The following DHX40 variants were observed in gnomAD, a reference collection of about 807,000 sequenced individuals.
The protein encoded by DHX40 is probable ATP-dependent RNA helicase DHX40.
DHX40 carries 28 observed loss-of-function variants against 89.6 expected under a neutral mutation model. The ratio of observed to expected loss-of-function variants is 0.31; its 90% CI spans 0.23 to 0.43. The LOEUF (loss-of-function observed/expected upper bound fraction) is 0.43. Among genes scored for constraint, DHX40 ranks in the 20% least tolerant of loss-of-function variants. The probability of loss-of-function intolerance (pLI) is 1.00; values close to 1 mark genes in which losing one functional copy is unlikely to be tolerated. For missense variants in DHX40, 457 were observed against 844.0 expected (o/e 0.54, Z 5.68); for synonymous variants, 226 against 283.6 (o/e 0.80, Z 2.04).
rs903879933 is a variant in DHX40, at chr17:59,567,408, CCAAA to C, written c.280+617_280+620del. 2.6e-5 allele frequency among the ~76,000 whole-genome samples: 4 copies of C among 152,266 alleles called. No individual in the cohort carries two copies. In the East Asian group the frequency reaches 7.7e-4, roughly 29 times the overall value. On this transcript the variant is annotated intron_variant, in intron 2 of 17. Transcript: ENST00000251241. Reference sequence around the variant, plus strand: ...GGAGAAAGAGATAATAGCCAAATCCCCAAACAGACCAGTTTTAGGAGCATCAAGA... The same window carrying C: ...GGAGAAAGAGATAATAGCCAAATCCCCAGACCAGTTTTAGGAGCATCAAGA...
At chr17:59,570,186 AAT>A (rs2048780518) in intron 2 of DHX40, among the ~76,000 whole-genome samples, 2 of 123,056 alleles carry the variant, frequency 1.6e-5, no homozygotes, top group South Asian at 4.3e-4. Flanking sequence ...TAATATATAT[AAT>A]ATATAATATA....
At chr17:59,569,717 A>G (rs1348314966) in intron 2 of DHX40, among the ~76,000 whole-genome samples, 2 of 145,194 alleles carry the variant, frequency 1.4e-5, no homozygotes, top group Non-Finnish European at 3.0e-5. Flanking sequence ...ATATCTATAT[A>G]TATATATAGA....
At position 59,570,576 on chromosome 17, in the gene DHX40, A is replaced by G; in HGVS notation, c.339A>G (p.Ser113=). 1 of 1,610,366 alleles carries G rather than the reference A, an allele frequency of 6.2e-7. No individual in the cohort carries two copies. The highest frequency in any genetic ancestry group is 8.5e-7 in the Non-Finnish European group (1 of 1,178,362). ...VTQPRKVAAI[S]VAQRVAEEMK... is the part of the protein sequence containing the mutation. ...AACCACGAAAAGTAGCTGCTATATCAGTTGCTCAGAGAGTAGCTGAAGAAA... is the reference window on the plus strand; with the variant it reads ...AACCACGAAAAGTAGCTGCTATATCGGTTGCTCAGAGAGTAGCTGAAGAAA... Residue 113 remains serine, a synonymous_variant, in exon 3 of 18, where the codon TCA becomes TCG. Coordinates refer to ENST00000251241, the MANE Select transcript of DHX40 (RefSeq NM_024612.5).
intron 12 of DHX40, among the ~76,000 whole-genome samples, chr17:59,591,562 T>TA (rs1217518396): frequency 6.6e-6 from 1 of 150,920 alleles, no homozygotes; most frequent in Non-Finnish European, 1.5e-5. Flanking sequence ...TTTAAATAGA[T>TA]AAAATCAGTG....
At chr17:59,602,904 C>G (rs1415338403) in intron 15 of DHX40, among the ~76,000 whole-genome samples, 1 of 151,944 alleles carries the variant, frequency 6.6e-6, no homozygotes, top group Admixed American at 6.6e-5. Flanking sequence ...GAGAGGTGGC[C>G]CTGTGTATAG....
chr17:59,606,422 A>T (rs1193649178), intron 17 of DHX40, among the ~76,000 whole-genome samples: 1 of 152,236 alleles, frequency 6.6e-6, no homozygotes, highest in Non-Finnish European at 1.5e-5. Flanking sequence ...AGTTTTGCCG[A>T]ATAAATCATA....
intron 3 of DHX40, among the ~76,000 whole-genome samples, chr17:59,572,048 C>G (rs1033440036): frequency 6.6e-6 from 1 of 152,212 alleles, no homozygotes; most frequent in Non-Finnish European, 1.5e-5. Context: ...TTAACAAAAT[C>G]AGCCAATTAA....
At chr17:59,602,677 G>T in intron 15 of DHX40, 61 bp downstream of exon 15, 1 of 1,320,152 alleles carries the variant, frequency 7.6e-7, no homozygotes, top group Admixed American at 1.9e-5. Flanking sequence ...CTATAATATT[G>T]GACTATTTAA....
In DHX40 at chr17:59,591,664, G is replaced by A. The variant is rs1024756956; in HGVS notation, c.1582+3611G>A. On this transcript the variant is annotated intron_variant, in intron 12 of 17. Coordinates refer to ENST00000251241, the MANE Select transcript of DHX40 (RefSeq NM_024612.5). ...CCTTTATACCTTCTATGCAGTTTCC[G>A]CAATTTTTAACATTTTACCCCCTTT... 3.3e-5 allele frequency among the ~76,000 whole-genome samples: 5 copies of A among 151,212 alleles called. No individual in the cohort carries two copies. The East Asian group carries it at 5.8e-4, about 18-fold the overall frequency.
intron 8 of DHX40, among the ~76,000 whole-genome samples, chr17:59,577,863 T>A (rs545619128): frequency 5.0e-4 from 76 of 152,178 alleles, no homozygotes; most frequent in African/African-American, 1.8e-3. Context: ...TTTTCTGTAC[T>A]CCCATTATAA....
chr17:59,574,659 T>C (rs2048856226), intron 6 of DHX40, among the ~76,000 whole-genome samples: 1 of 148,956 alleles, frequency 6.7e-6, no homozygotes, highest in East Asian at 1.9e-4. Flanking sequence ...TAGTGAAATA[T>C]TGTTTTTGTT....
At chr17:59,566,086 C>A (rs1023262469) in intron 1 of DHX40, among the ~76,000 whole-genome samples, 1 of 152,170 alleles carries the variant, frequency 6.6e-6, no homozygotes, top group Non-Finnish European at 1.5e-5. Flanking sequence ...ATTCATCCCC[C>A]CCACCCTTCG....
At chr17:59,568,098 G>A (rs1307672196) in intron 2 of DHX40, among the ~76,000 whole-genome samples, 2 of 152,040 alleles carry the variant, frequency 1.3e-5, no homozygotes, top group African/African-American at 4.8e-5. Context: ...CGTGGTGGCG[G>A]GCGCCTATAA....
rs1337050821 is a variant in DHX40 at position 59,607,276 on chromosome 17, C to T, written c.*104C>T. 1 of 1,608,178 alleles carries T rather than the reference C, an allele frequency of 6.2e-7. No homozygotes were observed. Among genetic ancestry groups the T allele is most frequent in the Admixed American group, 1.7e-5 (1 of 59,252 alleles). Reference sequence around the variant, plus strand: ...CACTACCAAGAGGAGGTGGTCAGCACTTGTTATTGGCCTATGAACTAAAAG... The same window carrying T: ...CACTACCAAGAGGAGGTGGTCAGCATTTGTTATTGGCCTATGAACTAAAAG... On this transcript the variant is annotated 3_prime_UTR_variant, in exon 18 of 18. Transcript: ENST00000251241.
chr17:59,569,290 T>C (rs1347184390), intron 2 of DHX40, among the ~76,000 whole-genome samples: 1 of 151,618 alleles, frequency 6.6e-6, no homozygotes, highest in African/African-American at 2.4e-5. Context: ...ATTGTGCCAC[T>C]GCACTCCCGC....
intron 2 of DHX40, among the ~76,000 whole-genome samples, chr17:59,569,640 CG>C (rs2048759622): frequency 7.1e-6 from 1 of 140,374 alleles, no homozygotes; most frequent in Admixed American, 7.0e-5. Context: ...GAGCCGAGAT[CG>C]CGCCACTGCA....
rs549491996 is a variant in DHX40, at chr17:59,589,883, G to C, written c.1582+1830G>C. 9.4e-4 allele frequency among the ~76,000 whole-genome samples: 141 copies of C among 149,450 alleles called. 4 individuals carry two copies. Among genetic ancestry groups the C allele is most frequent in the Middle Eastern group, 6.8e-3 (2 of 294 alleles). On this transcript the variant is annotated intron_variant, in intron 12 of 17. Transcript: ENST00000251241. ...TTACAGGCATGGGCCACCACGCCTG[G>C]CTAATTTTTGTATTTTTAGTAGAGA... is the stretch of plus-strand genomic sequence containing the variant.
At chr17:59,570,718 T>C in intron 3 of DHX40, 55 bp downstream of exon 3, 1 of 1,543,168 alleles carries the variant, frequency 6.5e-7, no homozygotes, top group Non-Finnish European at 8.8e-7. Context: ...AGGGTCTTGC[T>C]CTGTCGCCCA....
At chr17:59,575,509 A>T (rs772074144) in intron 7 of DHX40, 38 bp downstream of exon 7, 4 of 1,603,658 alleles carry the variant, frequency 2.5e-6, no homozygotes, top group Non-Finnish European at 3.4e-6. Context: ...GATTTTTTAA[A>T]AAAACTTTTT....
Sources: allele counts gnomAD v4.1 joint callset (sites outside exome capture counted in the v4.1 genomes callset), GRCh38; gene constraint gnomAD v4.1.1; transcripts MANE v1.5; gene names NCBI Gene and HGNC (gene_info 2026-07-23, HGNC 2026-07-21).